The following EVI5 variants were observed in gnomAD, a reference collection of about 807,000 sequenced individuals.
EVI5 encodes ecotropic viral integration site 5.
Under a neutral mutation model 112.0 loss-of-function variants are expected in EVI5, and 73 were observed. The ratio of observed to expected loss-of-function variants is 0.65; its 90% confidence interval spans 0.54 to 0.79. The LOEUF is 0.79. EVI5 is among the 30% of genes least tolerant of loss of function. The probability of loss-of-function intolerance (pLI) is 0.00; values close to 1 mark genes in which losing one functional copy is unlikely to be tolerated. For synonymous variants in EVI5, 305 were observed against 319.9 expected, an observed-to-expected ratio of 0.95 and a Z score of 0.50; for missense variants, 900 against 968.8, an observed-to-expected ratio of 0.93 and a Z score of 0.94.
intron 1 of EVI5, among the ~76,000 whole-genome samples, chr1:92,779,828 G>A (rs1356035118): frequency 6.6e-6 from 1 of 152,164 alleles, no homozygotes; most frequent in Middle Eastern, 3.2e-3. Context: ...TAGGAGCCTA[G>A]GAGTTCCCAG....
rs57042163 is a variant in EVI5, at chr1:92,566,803, CT to C, written c.2071-3067del. Among the ~76,000 whole-genome samples, 397 of 97,876 alleles carry C rather than the reference CT, an allele frequency of 4.1e-3. 1 individual carries two copies. In the East Asian group the frequency reaches 0.051, roughly 13 times the overall value. 64.2% of individuals were successfully genotyped at this position (97,876 alleles called of 152,430 possible). ...AAGCAGAGAATAATGTGTGTGCCTG[CT>C]TTTTTTTTTTTTTTTTTTTTTTTGA... On this transcript the variant is annotated intron_variant, in intron 18 of 19. Transcript: ENST00000684568.
intron 15 of EVI5, among the ~76,000 whole-genome samples, chr1:92,624,586 T>C (rs1301556317): frequency 6.8e-6 from 1 of 147,772 alleles, no homozygotes; most frequent in Non-Finnish European, 1.5e-5. Flanking sequence ...CTCACACCTG[T>C]AATCCCAGCA....
At chr1:92,633,893 C>A (rs1658068082) in intron 14 of EVI5, among the ~76,000 whole-genome samples, 1 of 152,174 alleles carries the variant, frequency 6.6e-6, no homozygotes, top group Admixed American at 6.5e-5. Flanking sequence ...CAAAATCTCT[C>A]ACCATTTGCT....
At chr1:92,779,789 C>A (rs765811025) in intron 1 of EVI5, among the ~76,000 whole-genome samples, 13 of 152,096 alleles carry the variant, frequency 8.5e-5, no homozygotes, top group Non-Finnish European at 1.3e-4. Flanking sequence ...ATTTGGCTAA[C>A]TCACAGAATC....
At chr1:92,558,837 T>TAA (rs35604457) in intron 19 of EVI5, among the ~76,000 whole-genome samples, 111 of 120,764 alleles carry the variant, frequency 9.2e-4, no homozygotes, top group African/African-American at 3.0e-3. Flanking sequence ...CCCCCATCTC[T>TAA]AAAAAAAAAA....
Position 92,649,713 on chromosome 1 carries a change from C to G in EVI5, c.1392+13006G>C, listed in dbSNP as rs556151880. 5.6e-4 allele frequency among the ~76,000 whole-genome samples: 86 copies of G among 152,224 alleles called. 1 individual carries two copies. The South Asian group carries it at 0.017, about 31-fold the overall frequency. On this transcript the variant is annotated intron_variant, in intron 13 of 19. Transcript: ENST00000684568. ...CCTGTAGTCTCAGCTACTCGGGAGG[C>G]TGAGGTGAGAGGATCATTTGAGCCC...
intron 19 of EVI5, among the ~76,000 whole-genome samples, chr1:92,536,983 T>C (rs1427485085): frequency 1.3e-5 from 2 of 152,168 alleles, no homozygotes; most frequent in South Asian, 2.1e-4. Flanking sequence ...CTTTCATGCA[T>C]ATTATTTCAA....
intron 18 of EVI5, among the ~76,000 whole-genome samples, chr1:92,568,539 T>C (rs182797927): frequency 1.7e-3 from 263 of 152,320 alleles, no homozygotes; most frequent in African/African-American, 6.0e-3. Context: ...CATCATTGTA[T>C]GTGTATGATT....
rs201842236 is a variant in EVI5, at chr1:92,736,348, T to C, written c.149+50A>G. 7.4e-5 allele frequency: 90 copies of C among 1,218,624 alleles called. No individual in the cohort carries two copies. The African/African-American group carries it at 1.2e-3, about 17-fold the overall frequency. The allele number at this position is 1,218,624 out of a possible 1,614,324, so 75.5% of individuals were successfully genotyped here. On this transcript the variant is annotated intron_variant, in intron 2 of 19. Transcript: ENST00000684568. ...AAATTCTAGTGTAAGTAAATATGAATGGCTGGATTTGTATAATTGGAGAGA... is the reference window on the plus strand; with the variant it reads ...AAATTCTAGTGTAAGTAAATATGAACGGCTGGATTTGTATAATTGGAGAGA...
intron 19 of EVI5, among the ~76,000 whole-genome samples, chr1:92,518,802 G>C (rs971650829): frequency 4.6e-5 from 7 of 152,100 alleles, no homozygotes; most frequent in African/African-American, 1.7e-4. Flanking sequence ...CAGGACACTT[G>C]AAAGAAAGAA....
chr1:92,536,904 T>A (rs558193914), intron 19 of EVI5, among the ~76,000 whole-genome samples: 1 of 152,280 alleles, frequency 6.6e-6, no homozygotes, highest in African/African-American at 2.4e-5. Context: ...TATCCTTCAA[T>A]TTTAACATTG....
intron 18 of EVI5, among the ~76,000 whole-genome samples, chr1:92,564,373 T>C (rs967256877): frequency 6.6e-6 from 1 of 152,128 alleles, no homozygotes; most frequent in Non-Finnish European, 1.5e-5. Flanking sequence ...GTCAAGAAGA[T>C]GGCAAGCTTC....
At chr1:92,557,622 G>T (rs1005767316) in intron 19 of EVI5, among the ~76,000 whole-genome samples, 1 of 151,764 alleles carries the variant, frequency 6.6e-6, no homozygotes, top group Non-Finnish European at 1.5e-5. Context: ...CTTCAGGAAG[G>T]GTGTTTCAGT....
At position 92,784,295 on chromosome 1, in the gene EVI5, T is replaced by C. The variant is rs1297362618; in HGVS notation, c.-82+541A>G. 4.1e-6 allele frequency: 4 copies of C among 985,122 alleles called. No homozygotes were observed. The African/African-American group carries it at 7.0e-5, about 17-fold the overall frequency. 61.0% of individuals were successfully genotyped at this position (985,122 alleles called of 1,614,324 possible). A position where few individuals can be genotyped will look rare whatever the true frequency, so the allele number is the denominator to read the frequency against. Reference sequence around the variant, plus strand: ...AATTTGAGGCTTGCCCCACTAGTCATAAGGTGATTCAGGAATGGCTACAAA... The same window carrying C: ...AATTTGAGGCTTGCCCCACTAGTCACAAGGTGATTCAGGAATGGCTACAAA... On this transcript the variant is annotated intron_variant, in intron 1 of 19. Coordinates refer to ENST00000684568, the MANE Select transcript of EVI5 (RefSeq NM_001350197.2).
At chr1:92,759,550 CT>C (rs1277083007) in intron 1 of EVI5, among the ~76,000 whole-genome samples, 1 of 152,208 alleles carries the variant, frequency 6.6e-6, no homozygotes, top group Non-Finnish European at 1.5e-5. Flanking sequence ...CATTCACAAT[CT>C]TGTGCAACCA....
intron 18 of EVI5, among the ~76,000 whole-genome samples, chr1:92,575,174 C>A (rs1475222472): frequency 6.6e-6 from 1 of 152,178 alleles, no homozygotes; most frequent in Non-Finnish European, 1.5e-5. Flanking sequence ...TACAATGACA[C>A]CCATATACCC....
At chr1:92,528,344 C>G (rs1327290560) in intron 19 of EVI5, among the ~76,000 whole-genome samples, 3 of 152,184 alleles carry the variant, frequency 2.0e-5, no homozygotes, top group East Asian at 3.8e-4. Flanking sequence ...CTTCAGTGTG[C>G]TTGGGACAGT....
At chr1:92,619,475 T>C (rs1654021567) in intron 16 of EVI5, among the ~76,000 whole-genome samples, 1 of 151,600 alleles carries the variant, frequency 6.6e-6, no homozygotes, top group Admixed American at 6.6e-5. Flanking sequence ...TCCTATTAGT[T>C]CTGCCCCTCT....
At chr1:92,757,276 C>A (rs1176827838) in intron 1 of EVI5, among the ~76,000 whole-genome samples, 1 of 152,142 alleles carries the variant, frequency 6.6e-6, no homozygotes, top group Non-Finnish European at 1.5e-5. Flanking sequence ...TCCAATTTGC[C>A]GTTTTGAGAT....
Sources: gnomAD v4.1 joint callset for allele counts (sites outside exome capture counted in the v4.1 genomes callset) on GRCh38, gnomAD v4.1.1 for gene constraint, MANE v1.5 for transcripts, NCBI Gene and HGNC (gene_info 2026-07-23, HGNC 2026-07-21) for gene names.